The following FRMD3 variants were observed in gnomAD, a reference collection of about 807,000 sequenced individuals.
FRMD3 encodes FERM domain containing 3.
A neutral mutation model predicts 70.2 loss-of-function variants in FRMD3; 33 were observed. That is an observed-to-expected ratio of 0.47 (90% CI 0.36 to 0.63). The LOEUF (loss-of-function observed/expected upper bound fraction) is 0.63. Ranked by LOEUF, FRMD3 falls within the 20% of genes least tolerant of loss-of-function variation. The pLI, the probability that FRMD3 is intolerant of heterozygous loss-of-function variation, is 0.00. For synonymous variants in FRMD3, 279 were observed against 255.9 expected (o/e 1.09, Z -0.86); for missense variants, 632 against 711.4 (o/e 0.89, Z 1.27).
intron 6 of FRMD3, among the ~76,000 whole-genome samples, chr9:83,333,570 G>A (rs746351601): frequency 2.3e-4 from 35 of 152,132 alleles, no homozygotes; most frequent in Non-Finnish European, 4.4e-4. Flanking sequence ...TGGCTGCAAC[G>A]CCTCTCATGA....
intron 2 of FRMD3, among the ~76,000 whole-genome samples, chr9:83,388,854 A>G (rs7021167): frequency 0.28 from 42,048 of 151,902 alleles, 5,868 homozygotes; most frequent in South Asian, 0.32. Flanking sequence ...ACCACCATCA[A>G]TATGAAGTTT....
intron 12 of FRMD3, among the ~76,000 whole-genome samples, chr9:83,294,485 G>A (rs977951975): frequency 1.3e-5 from 2 of 152,142 alleles, no homozygotes; most frequent in Non-Finnish European, 1.5e-5. Flanking sequence ...TTTAAAGCAA[G>A]AGCCCGCCAG....
In FRMD3 at chr9:83,399,435, G is replaced by T. The variant is rs138450737; in HGVS notation, c.148-9727C>A. 3.9e-3 allele frequency among the ~76,000 whole-genome samples: 591 copies of T among 152,266 alleles called. 1 individual carries two copies. The highest frequency in any genetic ancestry group is 9.0e-3 in the Admixed American group (137 of 15,288). On this transcript the variant is annotated intron_variant, in intron 1 of 13. Coordinates refer to ENST00000304195, the MANE Select transcript of FRMD3 (RefSeq NM_174938.6). Reference sequence around the variant, plus strand: ...TCAGGGAATCATATTTGATTTGTCAGCTCTTCTTAGCAGTTTTTGCCACAG... The same window carrying T: ...TCAGGGAATCATATTTGATTTGTCATCTCTTCTTAGCAGTTTTTGCCACAG...
chr9:83,406,489 T>C (rs1250207366), intron 1 of FRMD3, among the ~76,000 whole-genome samples: 1 of 152,148 alleles, frequency 6.6e-6, no homozygotes, highest in African/African-American at 2.4e-5. Context: ...CTAGGGCTCT[T>C]AGGATGGAGG....
chr9:83,328,570 T>A (rs1285962645), intron 6 of FRMD3, among the ~76,000 whole-genome samples: 1 of 152,226 alleles, frequency 6.6e-6, no homozygotes, highest in African/African-American at 2.4e-5. Flanking sequence ...CAAAACTGTC[T>A]TTGACTAATA....
At chr9:83,345,343 A>T in intron 4 of FRMD3, among the ~76,000 whole-genome samples, 1 of 152,218 alleles carries the variant, frequency 6.6e-6, no homozygotes, top group South Asian at 2.1e-4. Context: ...AAGGACTCAG[A>T]CTAGCTGCCT....
In FRMD3 at chr9:83,436,571, CA is replaced by C. The variant is rs1048588859; in HGVS notation, c.148-46864del. 1.1e-4 allele frequency among the ~76,000 whole-genome samples: 16 copies of C among 147,144 alleles called. No homozygotes were observed. The East Asian group carries it at 1.4e-3, about 13-fold the overall frequency. On this transcript the variant is annotated intron_variant, in intron 1 of 13. Coordinates refer to ENST00000304195, the MANE Select transcript of FRMD3 (RefSeq NM_174938.6). ...AGAGATCATTTGAAATATTGCAATT[CA>C]AAAAAAAATGTTGCTTATAAACTTA...
chr9:83,491,939 T>C lies in FRMD3; in HGVS notation c.147+46146A>G, dbSNP rs112419274. Among the ~76,000 whole-genome samples, 9 of 152,282 alleles carry C rather than the reference T, an allele frequency of 5.9e-5. 1 individual carries two copies. Among genetic ancestry groups the C allele is most frequent in the African/African-American group, 2.2e-4 (9 of 41,560 alleles). The stretch of plus-strand genomic sequence containing the variant: ...AGAGACAGGCGTCCACAGGGGGCTG[T>C]TGATGGTGTTTGTTAATGGACTCCT... On this transcript the variant is annotated intron_variant, in intron 1 of 13. Coordinates refer to ENST00000304195, the MANE Select transcript of FRMD3 (RefSeq NM_174938.6).
intron 3 of FRMD3, among the ~76,000 whole-genome samples, chr9:83,359,028 AAAC>A (rs1209260543): frequency 1.3e-5 from 2 of 152,202 alleles, no homozygotes; most frequent in East Asian, 1.9e-4. Flanking sequence ...TATAATCATT[AAAC>A]AACAACTGTT....
chr9:83,334,907 T>C (rs1454433760), intron 6 of FRMD3, among the ~76,000 whole-genome samples: 1 of 152,238 alleles, frequency 6.6e-6, no homozygotes, highest in Admixed American at 6.5e-5. Context: ...AGAATAACAA[T>C]AACCTATCTC....
intron 13 of FRMD3, among the ~76,000 whole-genome samples, chr9:83,284,061 ATTTTTTTTTT>A (rs71365307): frequency 2.0e-5 from 2 of 101,712 alleles, no homozygotes; most frequent in Non-Finnish European, 4.0e-5. Context: ...CTAGGATGTT[ATTTTTTTTTT>A]TTTTTTTTTT....
intron 1 of FRMD3, among the ~76,000 whole-genome samples, chr9:83,422,916 G>A (rs1046997978): frequency 7.2e-5 from 11 of 152,192 alleles, no homozygotes; most frequent in African/African-American, 2.7e-4. Flanking sequence ...AGAAGCCTCC[G>A]ATGGAGGATT....
intron 13 of FRMD3, among the ~76,000 whole-genome samples, chr9:83,255,461 A>G (rs1448146186): frequency 6.6e-6 from 1 of 151,660 alleles, no homozygotes; most frequent in Non-Finnish European, 1.5e-5. Context: ...TTCCCCCTGA[A>G]AACCAGCACA....
intron 6 of FRMD3, among the ~76,000 whole-genome samples, chr9:83,333,866 C>G (rs1270640555): frequency 6.6e-6 from 1 of 152,172 alleles, no homozygotes; most frequent in Admixed American, 6.5e-5. Context: ...CTTGTACTTT[C>G]CTCATCCCAC....
Position 83,341,129 on chromosome 9 carries a change from T to C in FRMD3, c.472+2061A>G, listed in dbSNP as rs537180556. On this transcript the variant is annotated intron_variant, in intron 5 of 13. Coordinates refer to ENST00000304195, the MANE Select transcript of FRMD3 (RefSeq NM_174938.6). ...GCCCATCTATATCTGTATTTGTGAA[T>C]GACCTGCAGTGCTGCCGAAGTACTC... Among the ~76,000 whole-genome samples, 65 of 152,326 alleles carry C rather than the reference T, an allele frequency of 4.3e-4. 1 individual carries two copies. The highest frequency in any genetic ancestry group is 1.6e-4 in the Non-Finnish European group (11 of 68,030).
chr9:83,466,928 G>A (rs187762283), intron 1 of FRMD3, among the ~76,000 whole-genome samples: 1 of 152,214 alleles, frequency 6.6e-6, no homozygotes, highest in South Asian at 2.1e-4. Flanking sequence ...TGGTTCTGCC[G>A]AAATAAACAA....
intron 5 of FRMD3, among the ~76,000 whole-genome samples, chr9:83,336,085 T>C (rs1455538812): frequency 6.6e-6 from 1 of 152,104 alleles, no homozygotes; most frequent in Non-Finnish European, 1.5e-5. Context: ...AGGATTTCAG[T>C]TAGATAGAAG....
At chr9:83,368,187 GT>G (rs1278582996) in intron 3 of FRMD3, among the ~76,000 whole-genome samples, 1 of 152,128 alleles carries the variant, frequency 6.6e-6, no homozygotes, top group Non-Finnish European at 1.5e-5. Context: ...GCACAGGCAG[GT>G]TTTTGGGGTG....
intron 13 of FRMD3, among the ~76,000 whole-genome samples, chr9:83,249,268 G>A (rs1454855845): frequency 6.6e-6 from 1 of 152,124 alleles, no homozygotes; most frequent in Non-Finnish European, 1.5e-5. Context: ...TGCTAGAAGG[G>A]AAATTGCTTA....
Sources: allele counts gnomAD v4.1 joint callset (sites outside exome capture counted in the v4.1 genomes callset), GRCh38; gene constraint gnomAD v4.1.1; transcripts MANE v1.5; gene names NCBI Gene and HGNC (gene_info 2026-07-23, HGNC 2026-07-21).